The following BCCIP variants were observed in gnomAD, a reference collection of about 807,000 sequenced individuals.
BCCIP encodes the protein BRCA2 and CDKN1A-interacting protein.
BCCIP carries 23 observed loss-of-function variants against 32.8 expected under a neutral mutation model. The ratio of observed to expected loss-of-function variants is 0.70; its 90% CI spans 0.51 to 0.99. The LOEUF (loss-of-function observed/expected upper bound fraction) is 0.99. Among genes scored for constraint, BCCIP ranks in the 50% least tolerant of loss-of-function variants. BCCIP has a pLI of 0.00. For missense variants in BCCIP, 378 were observed against 379.8 expected, an observed-to-expected ratio of 1.00 and a Z score of 0.04; for synonymous variants, 144 against 137.6, an observed-to-expected ratio of 1.05 and a Z score of -0.33.
At chr10:125,830,521 A>T in intron 3 of BCCIP, 41 bp from the exon 4 acceptor site, 1 of 1,326,138 alleles carries the variant, frequency 7.5e-7, no homozygotes, top group Non-Finnish European at 1.1e-6. Context: ...TCTTGGTATT[A>T]TACTAAATAT....
intron 6 of BCCIP, among the ~76,000 whole-genome samples, chr10:125,834,903 C>T (rs1415287609): frequency 2.6e-5 from 4 of 151,686 alleles, no homozygotes; most frequent in East Asian, 2.0e-4. Flanking sequence ...GAGGTCAAGG[C>T]GGGTGGATCA....
At position 125,831,824 on chromosome 10, in the gene BCCIP, T is replaced by G. The variant is rs12259918; in HGVS notation, c.599+217T>G. Among the ~76,000 whole-genome samples the G allele has an allele frequency of 0.3, 44,980 of 152,120 alleles. 6,874 individuals are homozygous for G. Among genetic ancestry groups the G allele is most frequent in the East Asian group, 0.4 (2,095 of 5,178 alleles). On this transcript the variant is annotated intron_variant, in intron 5 of 6. Coordinates refer to ENST00000278100, the MANE Select transcript of BCCIP (RefSeq NM_078468.3). Reference sequence around the variant, plus strand: ...GTGACAATAATCATGAAATTTTAACTTAAGATTTAAGTGATATATAAGTAG... The same window carrying G: ...GTGACAATAATCATGAAATTTTAACGTAAGATTTAAGTGATATATAAGTAG...
At chr10:125,843,381 C>CA (rs1854933473), downstream of BCCIP, among the ~76,000 whole-genome samples, 1 of 152,026 alleles carries the variant, frequency 6.6e-6, no homozygotes, top group African/African-American at 2.4e-5. Flanking sequence ...GAGGCCGAGG[C>CA]GGGAGGATCA....
chr10:125,826,515 T>C, intron 1 of BCCIP, 76 bp from the exon 2 acceptor site: 1 of 1,585,846 alleles, frequency 6.3e-7, no homozygotes, highest in Non-Finnish European at 8.6e-7. Flanking sequence ...ATGGCAATCT[T>C]GGCAATGTTT....
chr10:125,844,095 T>G (rs1854949618), downstream of BCCIP, among the ~76,000 whole-genome samples: 1 of 152,160 alleles, frequency 6.6e-6, no homozygotes, highest in South Asian at 2.1e-4. Flanking sequence ...AACCATGACC[T>G]TGAGAAATCA....
At chr10:125,844,834 T>A (rs1943991227), downstream of BCCIP, among the ~76,000 whole-genome samples, 1 of 152,228 alleles carries the variant, frequency 6.6e-6, no homozygotes. Flanking sequence ...AAACATCATC[T>A]TTATTAAGCT....
intron 7 of BCCIP, among the ~76,000 whole-genome samples, chr10:125,850,332 T>C (rs1944074139): frequency 1.3e-5 from 2 of 150,798 alleles, no homozygotes; most frequent in Non-Finnish European, 3.0e-5. Context: ...CTCTGCAGCC[T>C]TTGACTTTCT....
chr10:125,832,488 T>C (rs1427047942), intron 5 of BCCIP, among the ~76,000 whole-genome samples: 1 of 152,192 alleles, frequency 6.6e-6, no homozygotes, highest in Non-Finnish European at 1.5e-5. Context: ...TATCTCCTGC[T>C]CCCTGCTCTC....
chr10:125,845,852 G>A (rs537562499), downstream of BCCIP, among the ~76,000 whole-genome samples: 3 of 152,304 alleles, frequency 2.0e-5, no homozygotes, highest in East Asian at 5.8e-4. Context: ...CAGCTCCTCC[G>A]AGCTTAGCTG....
exon 7 of BCCIP, chr10:125,842,799 G>T (rs1174185003): frequency 1.1e-6 from 1 of 950,904 alleles, no homozygotes; most frequent in East Asian, 1.2e-4. Context: ...AATAAAGATA[G>T]CAAGCTGATT....
chr10:125,840,203 G>T (rs553583735), downstream of BCCIP, among the ~76,000 whole-genome samples: 5 of 152,298 alleles, frequency 3.3e-5, no homozygotes, highest in South Asian at 1.0e-3. Context: ...CCCTCCTCTT[G>T]TTTCTGTCTG....
At chr10:125,827,255 C>T (rs1470397334) in intron 2 of BCCIP, among the ~76,000 whole-genome samples, 3 of 151,910 alleles carry the variant, frequency 2.0e-5, no homozygotes, top group Non-Finnish European at 4.4e-5. Flanking sequence ...GGTTCTTTAG[C>T]CTTTATAGCT....
rs757770433 is a variant in BCCIP, at chr10:125,823,675, G to A, written c.118G>A (p.Asp40Asn). The change falls in exon 1 of 7, where the codon GAT becomes AAT. Residue 40 changes from aspartate to asparagine, a missense_variant. Asp to Asn is a conservative substitution (Grantham distance 23, BLOSUM62 1). Coordinates refer to ENST00000278100, the MANE Select transcript of BCCIP (RefSeq NM_078468.3). ...KEVENEDEDD[D>N]DSDKEKDEED... ...AGTCGAAAATGAGGATGAAGACGATGATGACAGTGACAAGGAAAAGGATGA... is the reference window on the plus strand; with the variant it reads ...AGTCGAAAATGAGGATGAAGACGATAATGACAGTGACAAGGAAAAGGATGA... 50 of 1,614,062 alleles carry A rather than the reference G, an allele frequency of 3.1e-5. No individual in the cohort carries two copies. The highest frequency in any genetic ancestry group is 4.0e-5 in the Non-Finnish European group (47 of 1,180,000).
At chr10:125,837,955 T>C (rs1386723130), downstream of BCCIP, among the ~76,000 whole-genome samples, 1 of 152,198 alleles carries the variant, frequency 6.6e-6, no homozygotes, top group East Asian at 1.9e-4. Flanking sequence ...TTCTCTAGCA[T>C]TCTGTCCTTC....
chr10:125,850,442 C>T (rs1944076362), intron 7 of BCCIP, among the ~76,000 whole-genome samples: 1 of 150,804 alleles, frequency 6.6e-6, no homozygotes, highest in South Asian at 2.1e-4. Context: ...ACCGCAACCT[C>T]CACCTCCTGA....
intron 1 of BCCIP, among the ~76,000 whole-genome samples, chr10:125,824,995 A>C (rs1854341471): frequency 6.6e-6 from 1 of 152,244 alleles, no homozygotes; most frequent in Non-Finnish European, 1.5e-5. Flanking sequence ...TGGGTATGTG[A>C]TCAATCTTCC....
At chr10:125,844,506 G>A (rs1450173499), downstream of BCCIP, among the ~76,000 whole-genome samples, 1 of 152,198 alleles carries the variant, frequency 6.6e-6, no homozygotes, top group Non-Finnish European at 1.5e-5. Context: ...AAAAGGAGAG[G>A]ATGTTCTTGG....
exon 7 of BCCIP, chr10:125,841,904 T>A (rs2134027911): frequency 6.2e-7 from 1 of 1,605,662 alleles, no homozygotes; most frequent in East Asian, 2.2e-5. Flanking sequence ...ATAATCTAAG[T>A]CTTCCAATGC....
chr10:125,826,781 C>G lies in BCCIP; in HGVS notation c.240+116C>G, dbSNP rs1298335058. On this transcript the variant is annotated intron_variant, in intron 2 of 6. Coordinates refer to ENST00000278100, the MANE Select transcript of BCCIP (RefSeq NM_078468.3). ...TTGGAAGGCCGAGGTGAGAGGATTGCTTGAGCCCAGGAGTTTGAGACCAGC... is the reference window on the plus strand; with the variant it reads ...TTGGAAGGCCGAGGTGAGAGGATTGGTTGAGCCCAGGAGTTTGAGACCAGC... 5.5e-6 allele frequency: 8 copies of G among 1,463,016 alleles called. No individual in the cohort carries two copies. The East Asian group carries it at 2.0e-4, about 37-fold the overall frequency. The allele number at this position is 1,463,016 out of a possible 1,614,324, so 90.6% of individuals were successfully genotyped here. A position where few individuals can be genotyped will look rare whatever the true frequency, so the allele number is the denominator to read the frequency against.
Sources: allele counts gnomAD v4.1 joint callset (sites outside exome capture counted in the v4.1 genomes callset), GRCh38; gene constraint gnomAD v4.1.1; transcripts MANE v1.5; gene names NCBI Gene and HGNC (gene_info 2026-07-23, HGNC 2026-07-21).